Variants in ERVH48-1 observed in about 807,000 individuals in gnomAD.
ERVH48-1 encodes suppressyn.
A neutral mutation model predicts 2.4 loss-of-function variants in ERVH48-1; 4 were observed. That is an observed-to-expected ratio of 1.68 (90% CI 0.83 to 3.84). The LOEUF is 3.84. Among genes scored for constraint, ERVH48-1 ranks in the 30% most tolerant of loss-of-function variants. The pLI is 0.01. For missense variants in ERVH48-1, 97 were observed against 43.4 expected (o/e 2.23, Z -3.47); for synonymous variants, 32 against 15.5 (o/e 2.06, Z -2.49).
chr21:42,920,530 G>A (rs1293018476), intron 1 of ERVH48-1, among the ~76,000 whole-genome samples: 2 of 152,164 alleles, frequency 1.3e-5, no homozygotes, highest in Admixed American at 6.5e-5. Flanking sequence ...AGTGCACTAC[G>A]TGGAACACAT....
chr21:42,922,852 A>C (rs2058810581), intron 1 of ERVH48-1, among the ~76,000 whole-genome samples: 1 of 152,030 alleles, frequency 6.6e-6, no homozygotes, highest in African/African-American at 2.4e-5. Context: ...CAATTCCCAC[A>C]ACAGAGACCT....
chr21:42,925,089 G>T (rs2058816933), intron 1 of ERVH48-1, among the ~76,000 whole-genome samples: 1 of 152,120 alleles, frequency 6.6e-6, no homozygotes, highest in African/African-American at 2.4e-5. Flanking sequence ...GGGATTACAG[G>T]GGCCTGCCAC....
chr21:42,919,048 A>C lies in ERVH48-1; in HGVS notation c.-42T>G. On this transcript the variant is annotated 5_prime_UTR_variant, in exon 2 of 2. Coordinates refer to ENST00000447535, the MANE Select transcript of ERVH48-1 (RefSeq NM_001308491.2). ...TTAGTCTTCCTTGTGTTTTGGTTTT[A>C]AGAAAAAAATGTTGGTTAATTTAAA... The C allele has an allele frequency of 2.5e-6, 3 of 1,221,240 alleles. No homozygotes were observed. Among genetic ancestry groups the C allele is most frequent in the Non-Finnish European group, 3.1e-6 (3 of 953,632 alleles). 75.7% of individuals were successfully genotyped at this position (1,221,240 alleles called of 1,614,324 possible).
intron 1 of ERVH48-1, among the ~76,000 whole-genome samples, chr21:42,922,704 C>T (rs545860753): frequency 2.9e-5 from 4 of 136,372 alleles, no homozygotes; most frequent in African/African-American, 1.1e-4. Flanking sequence ...TGCGCCACTG[C>T]ACTCCAGCCT....
At position 42,918,826 on chromosome 21, in the gene ERVH48-1, A is replaced by G. The variant is rs1446822954; in HGVS notation, c.181T>C (p.Phe61Leu). The G allele has an allele frequency of 6.6e-6, 3 of 456,646 alleles. No individual in the cohort carries two copies. Among genetic ancestry groups the G allele is most frequent in the Non-Finnish European group, 1.3e-5 (3 of 227,032 alleles). The allele number at this position is 456,646 out of a possible 1,614,324, so 28.3% of individuals were successfully genotyped here. The change falls in exon 2 of 2, where the codon TTT becomes CTT. Residue 61 changes from phenylalanine (F) to leucine (L), a missense_variant. Physicochemically the swap from Phe to Leu is conservative, Grantham distance 22. Coordinates refer to ENST00000447535, the MANE Select transcript of ERVH48-1 (RefSeq NM_001308491.2). ...LHYRGEMQQY[F>L]TYHTHIERSC... Reference sequence around the variant, plus strand: ...CTTTCTATATGAGTATGGTAAGTAAAGTATTGTTGCATCTCCCCTCTGTAG... The same window carrying G: ...CTTTCTATATGAGTATGGTAAGTAAGGTATTGTTGCATCTCCCCTCTGTAG...
intron 1 of ERVH48-1, among the ~76,000 whole-genome samples, chr21:42,919,898 C>G (rs1419423624): frequency 1.3e-5 from 2 of 152,156 alleles, no homozygotes; most frequent in African/African-American, 2.4e-5. Flanking sequence ...GTCTACCTAC[C>G]AATCCTGCCC....
intron 1 of ERVH48-1, among the ~76,000 whole-genome samples, chr21:42,921,165 G>A (rs774730347): frequency 9.2e-5 from 14 of 152,058 alleles, no homozygotes; most frequent in African/African-American, 3.1e-4. Flanking sequence ...CACGTAGTGC[G>A]ACTCCATGCC....
chr21:42,918,495 T>A lies in ERVH48-1; in HGVS notation c.*29A>T, dbSNP rs1481764942. 1 of 439,740 alleles carries A rather than the reference T, an allele frequency of 2.3e-6. No homozygotes were observed. The allele number at this position is 439,740 out of a possible 1,614,324, so 27.2% of individuals were successfully genotyped here. A position where few individuals can be genotyped will look rare whatever the true frequency, so the allele number is the denominator to read the frequency against. ...TTCTCCTAGATCTACAAACAGATTT[T>A]TTCCTGGCTTAGGAAGGGATGCATC... On this transcript the variant is annotated 3_prime_UTR_variant, in exon 2 of 2. Coordinates refer to ENST00000447535, the MANE Select transcript of ERVH48-1 (RefSeq NM_001308491.2).
chr21:42,917,884 C>G lies in ERVH48-1; in HGVS notation c.*640G>C, dbSNP rs1013894410. The G allele has an allele frequency of 6.6e-6, 1 of 152,290 alleles. No individual in the cohort carries two copies. Among genetic ancestry groups the G allele is most frequent in the Non-Finnish European group, 1.5e-5 (1 of 68,152 alleles). The allele number at this position is 152,290 out of a possible 1,614,324, so 9.4% of individuals were successfully genotyped here. The stretch of plus-strand genomic sequence containing the variant: ...TCTCTGGTTATCATACACAGGGACT[C>G]TGAGGGTGTTGCCCGCCTGCTTCGG... On this transcript the variant is annotated 3_prime_UTR_variant, in exon 2 of 2. Coordinates refer to ENST00000447535, the MANE Select transcript of ERVH48-1 (RefSeq NM_001308491.2).
intron 1 of ERVH48-1, among the ~76,000 whole-genome samples, chr21:42,924,448 G>A (rs1029071426): frequency 2.0e-5 from 3 of 152,106 alleles, no homozygotes; most frequent in Admixed American, 1.3e-4. Context: ...TCAGGGCGGC[G>A]AGAATGGAGG....
Position 42,925,421 on chromosome 21 carries a change from G to A in ERVH48-1, c.-361C>T. 2.0e-6 allele frequency: 1 copy of A among 490,570 alleles called. No homozygotes were observed. 30.4% of individuals were successfully genotyped at this position (490,570 alleles called of 1,614,324 possible). ...GCTGAGGAGCTTCCTTTGTCCGGCT[G>A]CTGTGGCCTGCTTTCCCAGATGGAG... On this transcript the variant is annotated 5_prime_UTR_variant, in exon 1 of 2. Coordinates refer to ENST00000447535, the MANE Select transcript of ERVH48-1 (RefSeq NM_001308491.2).
chr21:42,918,053 C>T lies in ERVH48-1; in HGVS notation c.*471G>A, dbSNP rs1372750105. 3.2e-5 allele frequency: 5 copies of T among 155,704 alleles called. No individual in the cohort carries two copies. The highest frequency in any genetic ancestry group is 7.2e-5 in the African/African-American group (3 of 41,434). 9.6% of individuals were successfully genotyped at this position (155,704 alleles called of 1,614,324 possible). ...TGTCAGCTGGTGTTCCTAGGATTGT[C>T]GCATAGTACACTTAGGCGGAGGTAT... is the stretch of plus-strand genomic sequence containing the variant. On this transcript the variant is annotated 3_prime_UTR_variant, in exon 2 of 2. Coordinates refer to ENST00000447535, the MANE Select transcript of ERVH48-1 (RefSeq NM_001308491.2).
At chr21:42,924,948 A>AT (rs71332380) in intron 1 of ERVH48-1, among the ~76,000 whole-genome samples, 51,707 of 142,964 alleles carry the variant, frequency 0.36, 10,833 homozygotes, top group African/African-American at 0.6. Flanking sequence ...ACACCTTAGC[A>AT]TTTTTTTTTT....
intron 1 of ERVH48-1, among the ~76,000 whole-genome samples, chr21:42,920,053 ACG>A (rs2058801055): frequency 4.0e-5 from 2 of 49,618 alleles, no homozygotes; most frequent in African/African-American, 3.6e-4. Context: ...TAGGGCAGAG[ACG>A]TTGCAGGACA....
chr21:42,919,128 A>G lies in ERVH48-1; in HGVS notation c.-122T>C, dbSNP rs1481488641. 6 of 1,169,640 alleles carry G rather than the reference A, an allele frequency of 5.1e-6. No individual in the cohort carries two copies. Among genetic ancestry groups the G allele is most frequent in the East Asian group, 1.2e-4 (2 of 17,120 alleles). 72.5% of individuals were successfully genotyped at this position (1,169,640 alleles called of 1,614,324 possible). ...ACTTAGCTGTTAATGTTTTGGAGGA[A>G]GAAGCTGCCTTGGGGGTGAGCTTGA... On this transcript the variant is annotated 5_prime_UTR_variant, in exon 2 of 2. Coordinates refer to ENST00000447535, the MANE Select transcript of ERVH48-1 (RefSeq NM_001308491.2).
chr21:42,921,813 G>GAGGTAGTAGGCACCAGTGA (rs1464672311), intron 1 of ERVH48-1, among the ~76,000 whole-genome samples: 36 of 151,976 alleles, frequency 2.4e-4, no homozygotes, highest in South Asian at 4.2e-4. Flanking sequence ...GGTGGGTGTT[G>GAGGTAGTAGGCACCAGTGA]GGGTCTTCCC....
At position 42,925,494 on chromosome 21, in the gene ERVH48-1, C is replaced by T. The variant is rs61734253; in HGVS notation, c.-434G>A. 657 of 347,254 alleles carry T rather than the reference C, an allele frequency of 1.9e-3. 6 individuals are homozygous for T. The highest frequency in any genetic ancestry group is 0.013 in the African/African-American group (581 of 45,318). 21.5% of individuals were successfully genotyped at this position (347,254 alleles called of 1,614,324 possible). ...GTGGACGGAAGCCCCTCGCAGGTTTCAGGGCCAGCCCCAAGGCTCTTGCAT... is the reference window on the plus strand; with the variant it reads ...GTGGACGGAAGCCCCTCGCAGGTTTTAGGGCCAGCCCCAAGGCTCTTGCAT... On this transcript the variant is annotated 5_prime_UTR_variant, in exon 1 of 2. The change abolishes the stop of an existing upstream ORF in the 5' untranslated region. Transcript: ENST00000447535.
Position 42,918,508 on chromosome 21 carries a change from G to A in ERVH48-1, c.*16C>T, listed in dbSNP as rs1298793200. ...ACAAACAGATTTTTTCCTGGCTTAG[G>A]AAGGGATGCATCTGCTTATAGTTTT... is the stretch of plus-strand genomic sequence containing the variant. On this transcript the variant is annotated 3_prime_UTR_variant, in exon 2 of 2. Coordinates refer to ENST00000447535, the MANE Select transcript of ERVH48-1 (RefSeq NM_001308491.2). 3 of 447,964 alleles carry A rather than the reference G, an allele frequency of 6.7e-6. No homozygotes were observed. The allele number at this position is 447,964 out of a possible 1,614,324, so 27.7% of individuals were successfully genotyped here. A position where few individuals can be genotyped will look rare whatever the true frequency, so the allele number is the denominator to read the frequency against.
rs2058796204 is a variant in ERVH48-1 at position 42,918,625 on chromosome 21, T to A, written c.382A>T (p.Ile128Leu). Residue 128 changes from isoleucine (I) to leucine (L), a missense_variant, in exon 2 of 2, where the codon ATA becomes TTA. By Grantham distance (5) the Ile-to-Leu change is conservative. Coordinates refer to ENST00000447535, the MANE Select transcript of ERVH48-1 (RefSeq NM_001308491.2). Reference sequence around the variant, plus strand: ...TTGGCTATAATCTGTTCTCTCTTTATGTCCTCAAGCACCTGAGTGTTTACT... The same window carrying A: ...TTGGCTATAATCTGTTCTCTCTTTAAGTCCTCAAGCACCTGAGTGTTTACT... ...WGVNTQVLED[I>L]KREQIIAKAK... 1 of 456,594 alleles carries A rather than the reference T, an allele frequency of 2.2e-6. No homozygotes were observed. The highest frequency in any genetic ancestry group is 4.4e-6 in the Non-Finnish European group (1 of 226,944). 28.3% of individuals were successfully genotyped at this position (456,594 alleles called of 1,614,324 possible). A position where few individuals can be genotyped will look rare whatever the true frequency, so the allele number is the denominator to read the frequency against.
Sources: allele counts gnomAD v4.1 joint callset (sites outside exome capture counted in the v4.1 genomes callset), GRCh38; gene constraint gnomAD v4.1.1; transcripts MANE v1.5; gene names NCBI Gene and HGNC (gene_info 2026-07-23, HGNC 2026-07-21).